SNTG2: variants seen among roughly 807,000 people sequenced by gnomAD.
SNTG2 encodes the protein gamma-2-syntrophin.
SNTG2 carries 74 observed loss-of-function variants against 70.9 expected under a neutral mutation model. That is an observed-to-expected ratio of 1.04 (90% CI 0.86 to 1.27). SNTG2 has a LOEUF of 1.27. Among genes scored for constraint, SNTG2 ranks in the 50% most tolerant of loss-of-function variants. SNTG2 has a pLI of 0.00. For synonymous variants in SNTG2, 278 were observed against 273.8 expected, an observed-to-expected ratio of 1.02 and a Z score of -0.15; for missense variants, 717 against 690.7, an observed-to-expected ratio of 1.04 and a Z score of -0.43.
At chr2:1,221,477 C>CTGTCTCTG (rs1674839134) in intron 9 of SNTG2, among the ~76,000 whole-genome samples, 7 of 35,262 alleles carry the variant, frequency 2.0e-4, no homozygotes, top group South Asian at 2.2e-3. Flanking sequence ...CTCTCTGTCT[C>CTGTCTCTG]TCTCTCTCTC....
In SNTG2 at chr2:1,097,163, A is replaced by G. The variant is rs1202071570; in HGVS notation, c.211-1033A>G. 6.6e-6 allele frequency among the ~76,000 whole-genome samples: 1 copy of G among 152,188 alleles called. No homozygotes were observed. The highest frequency in any genetic ancestry group is 6.5e-5 in the Admixed American group (1 of 15,282). On this transcript the variant is annotated intron_variant, in intron 2 of 16. Coordinates refer to ENST00000308624, the MANE Select transcript of SNTG2 (RefSeq NM_018968.4). The surrounding 1 kb of genome is among the most constrained non-coding windows in gnomAD (Gnocchi z 4.1). ...TTTTTGGTTTCTTTCCTTTGAGTTTATGAAGTATTTCCCCCTAAGAAGGAC... is the reference window on the plus strand; with the variant it reads ...TTTTTGGTTTCTTTCCTTTGAGTTTGTGAAGTATTTCCCCCTAAGAAGGAC...
At chr2:1,021,264 T>C (rs1660156161) in intron 1 of SNTG2, among the ~76,000 whole-genome samples, 2 of 152,178 alleles carry the variant, frequency 1.3e-5, no homozygotes, top group Non-Finnish European at 2.9e-5. Context: ...CCAAATGTGA[T>C]TAGTAGGAGG....
At position 1,047,902 on chromosome 2, in the gene SNTG2, A is replaced by G. The variant is rs375900573; in HGVS notation, c.73-35616A>G. Among the ~76,000 whole-genome samples, 7 of 152,150 alleles carry G rather than the reference A, an allele frequency of 4.6e-5. No individual in the cohort carries two copies. The East Asian group carries it at 1.4e-3, about 29-fold the overall frequency. On this transcript the variant is annotated intron_variant, in intron 1 of 16. Transcript: ENST00000308624. ...GCCAGCATAAAAGCAGAGATTTTAA[A>G]GTGTCACCGCTTAGAATAATGTTTA...
At chr2:1,292,312 T>C (rs73177751) in intron 14 of SNTG2, among the ~76,000 whole-genome samples, 6,388 of 152,190 alleles carry the variant, frequency 0.042, 454 homozygotes, top group African/African-American at 0.15. Flanking sequence ...ATAATTTTGT[T>C]TTTTCTTTCC....
intron 4 of SNTG2, among the ~76,000 whole-genome samples, chr2:1,116,093 C>T (rs150562362): frequency 2.6e-5 from 4 of 152,272 alleles, no homozygotes; most frequent in Admixed American, 1.3e-4. Context: ...TACGTTTGTG[C>T]AGTTCACGTA....
At chr2:1,088,117 G>A (rs541356920) in intron 2 of SNTG2, among the ~76,000 whole-genome samples, 48 of 152,084 alleles carry the variant, frequency 3.2e-4, no homozygotes, top group African/African-American at 1.1e-3. Flanking sequence ...CTTAAATTAG[G>A]CAAATGACCA....
At chr2:1,234,038 A>G (rs1676442188) in intron 9 of SNTG2, among the ~76,000 whole-genome samples, 1 of 152,174 alleles carries the variant, frequency 6.6e-6, no homozygotes, top group South Asian at 2.1e-4. Context: ...TTTAGCTCCG[A>G]TAATGACCTT....
chr2:1,002,702 A>C (rs1241923097), intron 1 of SNTG2, among the ~76,000 whole-genome samples: 1 of 151,298 alleles, frequency 6.6e-6, no homozygotes, highest in Non-Finnish European at 1.5e-5. Context: ...AAAAAAAAAA[A>C]AACCTAAAAA....
chr2:1,166,970 C>T (rs963245988), intron 7 of SNTG2, among the ~76,000 whole-genome samples: 1 of 152,180 alleles, frequency 6.6e-6, no homozygotes, highest in Non-Finnish European at 1.5e-5. Flanking sequence ...GCTCTCCATC[C>T]ATCTTCTGAG....
chr2:1,048,153 T>C (rs1345180270), intron 1 of SNTG2, among the ~76,000 whole-genome samples: 1 of 152,214 alleles, frequency 6.6e-6, no homozygotes, highest in Non-Finnish European at 1.5e-5. Flanking sequence ...GCATTGTCTC[T>C]TTCTATTGAT....
chr2:1,221,109 G>C (rs917508328), intron 9 of SNTG2, among the ~76,000 whole-genome samples: 1 of 152,194 alleles, frequency 6.6e-6, no homozygotes, highest in Non-Finnish European at 1.5e-5. Context: ...CTCTGCATCT[G>C]TGTCATTCTC....
intron 16 of SNTG2, among the ~76,000 whole-genome samples, chr2:1,358,132 A>G (rs2148315269): frequency 6.6e-6 from 1 of 152,148 alleles, no homozygotes; most frequent in South Asian, 2.1e-4. Context: ...CAAAGACTCT[A>G]ATTCCAATAG....
rs563293856 is a variant in SNTG2 at position 1,333,504 on chromosome 2, C to G, written c.1488+17129C>G. Among the ~76,000 whole-genome samples, 145 of 152,130 alleles carry G rather than the reference C, an allele frequency of 9.5e-4. 1 individual carries two copies. Among genetic ancestry groups the G allele is most frequent in the African/African-American group, 2.6e-3 (110 of 41,540 alleles). ...AGCCAAAGCAAAACTAAGAAAAAAA[C>G]AAATTTGGAGGTATCACATTACCCA... On this transcript the variant is annotated intron_variant, in intron 16 of 16. Transcript: ENST00000308624.
At chr2:967,691 G>A (rs576749996) in intron 1 of SNTG2, among the ~76,000 whole-genome samples, 14 of 152,234 alleles carry the variant, frequency 9.2e-5, no homozygotes, top group Middle Eastern at 3.4e-3. Context: ...CTGTTTTGGC[G>A]TCAGGGCATT....
At chr2:1,336,467 G>A (rs1390329452) in intron 16 of SNTG2, among the ~76,000 whole-genome samples, 1 of 152,072 alleles carries the variant, frequency 6.6e-6, no homozygotes, top group Non-Finnish European at 1.5e-5. Flanking sequence ...TTAGTTCAAT[G>A]GACTTTAATT....
At chr2:1,179,688 A>G (rs1671729007) in intron 8 of SNTG2, among the ~76,000 whole-genome samples, 1 of 151,858 alleles carries the variant, frequency 6.6e-6, no homozygotes, top group Admixed American at 6.6e-5. Context: ...GCTACCAATG[A>G]CTTTCTTCAC....
At chr2:1,356,196 A>T (rs9750263) in intron 16 of SNTG2, among the ~76,000 whole-genome samples, 115,262 of 152,054 alleles carry the variant, frequency 0.76, 44,053 homozygotes, top group East Asian at 0.94. Flanking sequence ...GTTGACGTGG[A>T]CCCAAATGTC....
At chr2:1,164,551 G>T (rs1351635823) in intron 6 of SNTG2, among the ~76,000 whole-genome samples, 2 of 127,676 alleles carry the variant, frequency 1.6e-5, no homozygotes, top group South Asian at 2.7e-4. Flanking sequence ...TCTGTGTAGA[G>T]GAGAGGGCGA....
Position 1,097,112 on chromosome 2 carries a change from C to T in SNTG2, c.211-1084C>T, listed in dbSNP as rs1477832133. Among the ~76,000 whole-genome samples the T allele has an allele frequency of 6.6e-6, 1 of 152,204 alleles. No homozygotes were observed. On this transcript the variant is annotated intron_variant, in intron 2 of 16. Coordinates refer to ENST00000308624, the MANE Select transcript of SNTG2 (RefSeq NM_018968.4). This position sits in a 1 kb window ranked among gnomAD's most constrained non-coding sequence, Gnocchi z 4.1. ...TATTTGCTGTGTCCCCATATACACA[C>T]TTTAACACAGGTATATTTGCTCTAA...
Sources: allele counts gnomAD v4.1 joint callset (sites outside exome capture counted in the v4.1 genomes callset), GRCh38; gene constraint gnomAD v4.1.1; non-coding constraint Gnocchi (gnomAD v3.1); transcripts MANE v1.5; gene names NCBI Gene and HGNC (gene_info 2026-07-23, HGNC 2026-07-21).